ZNF346: variants seen among roughly 807,000 people sequenced by gnomAD.
ZNF346 encodes double-stranded RNA-binding zinc finger protein JAZ.
A neutral mutation model predicts 33.7 loss-of-function variants in ZNF346; 23 were observed. The observed-to-expected ratio is 0.68, with a 90% CI of 0.49 to 0.97. The LOEUF is 0.97. Ranked by LOEUF, ZNF346 falls within the 50% of genes least tolerant of loss-of-function variation. The pLI is 0.00. For missense variants in ZNF346, 340 were observed against 371.1 expected (o/e 0.92, Z 0.69); for synonymous variants, 134 against 142.4 (o/e 0.94, Z 0.42).
intron 8 of ZNF346, among the ~76,000 whole-genome samples, chr5:177,078,211 G>A (rs1783844334): frequency 6.6e-6 from 1 of 152,228 alleles, no homozygotes; most frequent in Non-Finnish European, 1.5e-5. Context: ...CTGAATGGCA[G>A]GTATCTGGTA....
Position 177,064,562 on chromosome 5 carries a change from A to C in ZNF346, c.848A>C (p.Gln283Pro). The C allele has an allele frequency of 6.2e-7, 1 of 1,614,254 alleles. No homozygotes were observed. Among genetic ancestry groups the C allele is most frequent in the Non-Finnish European group, 8.5e-7 (1 of 1,180,042 alleles). ...SSLGQIPMQR[Q>P]PIQKDSTTLE... The stretch of plus-strand genomic sequence containing the variant: ...CTGGGCCAGATTCCAATGCAAAGGC[A>C]ACCCATTCAGAAAGACTCAACCACC... The change falls in exon 7 of 7, where the codon CAA becomes CCA. Residue 283 changes from glutamine (Q) to proline (P), a missense_variant. Transcript: ENST00000358149.
At chr5:177,053,608 G>T (rs866107430) in intron 5 of ZNF346, among the ~76,000 whole-genome samples, 1 of 152,058 alleles carries the variant, frequency 6.6e-6, no homozygotes, top group African/African-American at 2.4e-5. Flanking sequence ...CAGTTTTCAT[G>T]AATATTATAC....
At chr5:177,058,502 C>T (rs1043766521) in intron 5 of ZNF346, among the ~76,000 whole-genome samples, 1 of 151,926 alleles carries the variant, frequency 6.6e-6, no homozygotes, top group Admixed American at 6.6e-5. Context: ...AATAACTAGG[C>T]AGAGAGTCAG....
downstream of ZNF346, among the ~76,000 whole-genome samples, chr5:177,071,695 AAAG>A (rs1487218642): frequency 1.8e-3 from 267 of 149,188 alleles, 8 homozygotes; most frequent in East Asian, 2.9e-3. Context: ...AAAAAAAAAA[AAAG>A]AAGAAGAAGA....
intron 1 of ZNF346, among the ~76,000 whole-genome samples, chr5:177,036,114 A>G (rs6875677): frequency 0.13 from 19,982 of 152,026 alleles, 3,102 homozygotes; most frequent in African/African-American, 0.37. Flanking sequence ...AAGTTGAAAC[A>G]GCAGGGAAAT....
In ZNF346 at chr5:177,065,644, G is replaced by C. The variant is rs1349097859; in HGVS notation, c.*1045G>C. On this transcript the variant is annotated 3_prime_UTR_variant, in exon 7 of 7. Transcript: ENST00000358149. ...AGGCGTTTCCCAGGCCCCACACCCA[G>C]ATTTCTCTATCTTTGCTGTGTTTTA... 1 of 152,542 alleles carries C rather than the reference G, an allele frequency of 6.6e-6. No homozygotes were observed. The highest frequency in any genetic ancestry group is 1.5e-5 in the Non-Finnish European group (1 of 68,040). 9.4% of individuals were successfully genotyped at this position (152,542 alleles called of 1,614,324 possible). A position where few individuals can be genotyped will look rare whatever the true frequency, so the allele number is the denominator to read the frequency against.
At position 177,051,417 on chromosome 5, in the gene ZNF346, C is replaced by T. The variant is rs192377552; in HGVS notation, c.703+481C>T. Among the ~76,000 whole-genome samples the T allele has an allele frequency of 2.4e-3, 366 of 151,846 alleles. 2 individuals carry two copies. The highest frequency in any genetic ancestry group is 8.4e-3 in the African/African-American group (346 of 41,418). On this transcript the variant is annotated intron_variant, in intron 5 of 6. Transcript: ENST00000358149. ...GTCTCGATCTCCTGACCTTGTGATC[C>T]GCCCACCTCGGCCTCCCAAAGTGCT...
At chr5:177,079,643 A>T (rs767723025) in exon 9 of ZNF346, 2 of 152,176 alleles carry the variant, frequency 1.3e-5, no homozygotes, top group Non-Finnish European at 2.9e-5. Context: ...GGCCCTGCTC[A>T]CTTAGGTTTC....
chr5:177,038,835 G>T (rs1266174431), intron 1 of ZNF346, among the ~76,000 whole-genome samples: 1 of 151,344 alleles, frequency 6.6e-6, no homozygotes, highest in Non-Finnish European at 1.5e-5. Context: ...ATTGTGAGAA[G>T]CCTCTGACCC....
intron 4 of ZNF346, among the ~76,000 whole-genome samples, chr5:177,046,897 C>G (rs1241054350): frequency 2.0e-5 from 3 of 150,890 alleles, no homozygotes; most frequent in Non-Finnish European, 2.9e-5. Flanking sequence ...GCAAAAGATA[C>G]AAAGAAGAAA....
rs574515214 is a variant in ZNF346, at chr5:177,064,682, C to T, written c.*83C>T. The T allele has an allele frequency of 1.1e-5, 13 of 1,138,348 alleles. No individual in the cohort carries two copies. Among genetic ancestry groups the T allele is most frequent in the African/African-American group, 7.6e-5 (5 of 66,034 alleles). 70.5% of individuals were successfully genotyped at this position (1,138,348 alleles called of 1,614,324 possible). ...GCTCAGCCCTTGGCTCCCTCTTGCTCGTTGTTCTCACCAGGAAAGTACACG... is the reference window on the plus strand; with the variant it reads ...GCTCAGCCCTTGGCTCCCTCTTGCTTGTTGTTCTCACCAGGAAAGTACACG... On this transcript the variant is annotated 3_prime_UTR_variant, in exon 7 of 7. Transcript: ENST00000358149.
In ZNF346 at chr5:177,065,323, A is replaced by G. The variant is rs181743835; in HGVS notation, c.*724A>G. Reference sequence around the variant, plus strand: ...TCCACTGAGATCATAGGACACTCCAATGGGGATGGGACCTTTCCCCTCCTC... The same window carrying G: ...TCCACTGAGATCATAGGACACTCCAGTGGGGATGGGACCTTTCCCCTCCTC... On this transcript the variant is annotated 3_prime_UTR_variant, in exon 7 of 7. Transcript: ENST00000358149. 2.7e-3 allele frequency: 417 copies of G among 152,876 alleles called. 1 individual carries two copies. The highest frequency in any genetic ancestry group is 4.5e-3 in the Non-Finnish European group (307 of 68,168). The allele number at this position is 152,876 out of a possible 1,614,324, so 9.5% of individuals were successfully genotyped here.
At chr5:177,063,431 TC>T (rs1782793032) in intron 6 of ZNF346, among the ~76,000 whole-genome samples, 1 of 152,214 alleles carries the variant, frequency 6.6e-6, no homozygotes, top group South Asian at 2.1e-4. Flanking sequence ...TAGCAGATCA[TC>T]CTCTTTACCT....
At chr5:177,043,464 A>T (rs1457190150) in intron 3 of ZNF346, among the ~76,000 whole-genome samples, 1 of 152,086 alleles carries the variant, frequency 6.6e-6, no homozygotes, top group Admixed American at 6.6e-5. Flanking sequence ...ATCATAATCA[A>T]CAAGTAGAAC....
At chr5:177,052,483 A>C (rs1271657630) in intron 5 of ZNF346, 1 of 110,676 alleles carries the variant, frequency 9.0e-6, no homozygotes, top group Non-Finnish European at 2.3e-5. Context: ...AAGCCCAGCC[A>C]AAAAAAAAAA....
rs554329577 is a variant in ZNF346 at position 177,044,561 on chromosome 5, G to T, written c.517+28G>T. 53 of 1,611,892 alleles carry T rather than the reference G, an allele frequency of 3.3e-5. No individual in the cohort carries two copies. The South Asian group carries it at 4.9e-4, about 15-fold the overall frequency. On this transcript the variant is annotated intron_variant, in intron 4 of 6. Transcript: ENST00000358149. The stretch of plus-strand genomic sequence containing the variant: ...ACTGGTTTTCCTGAGTAGTGCTATA[G>T]TGGGACCCCTGCCGTCCTCAGGGCA...
At chr5:177,037,583 G>A (rs1778678506) in intron 1 of ZNF346, among the ~76,000 whole-genome samples, 1 of 152,062 alleles carries the variant, frequency 6.6e-6, no homozygotes, top group Admixed American at 6.6e-5. Flanking sequence ...CCCACATCCA[G>A]TCTAAGAAAT....
chr5:177,060,711 G>A (rs991095042), intron 5 of ZNF346, among the ~76,000 whole-genome samples: 3 of 152,132 alleles, frequency 2.0e-5, no homozygotes, highest in African/African-American at 4.8e-5. Flanking sequence ...GGGAGGCTGA[G>A]GCAGGAGAAT....
chr5:177,063,034 G>T (rs928664069), intron 6 of ZNF346, among the ~76,000 whole-genome samples: 1 of 152,082 alleles, frequency 6.6e-6, no homozygotes. Context: ...GAAGGGAAAC[G>T]TGTGGTATGA....
Sources: gnomAD v4.1 joint callset for allele counts (sites outside exome capture counted in the v4.1 genomes callset) on GRCh38, gnomAD v4.1.1 for gene constraint, MANE v1.5 for transcripts, NCBI Gene and HGNC (gene_info 2026-07-23, HGNC 2026-07-21) for gene names.